SOX5: variants seen among roughly 807,000 people sequenced by gnomAD.
The protein encoded by SOX5 is transcription factor SOX-5.
SOX5 carries 9 observed loss-of-function variants against 92.0 expected under a neutral mutation model. The observed-to-expected ratio is 0.10, with a 90% CI of 0.06 to 0.17. The LOEUF is 0.17. Ranked by LOEUF, SOX5 falls within the 10% of genes least tolerant of loss-of-function variation. SOX5 has a pLI of 1.00. For missense variants in SOX5, 642 were observed against 944.5 expected (o/e 0.68, Z 4.20); for synonymous variants, 344 against 336.3 (o/e 1.02, Z -0.25).
In SOX5 at chr12:23,740,891, C is replaced by T. The variant is rs781077655; in HGVS notation, c.717G>A (p.Glu239=). 59 of 1,612,008 alleles carry T rather than the reference C, an allele frequency of 3.7e-5. No individual in the cohort carries two copies. Among genetic ancestry groups the T allele is most frequent in the Non-Finnish European group, 5.0e-5 (59 of 1,178,690 alleles). The change falls in exon 5 of 15, where the codon GAG becomes GAA. Residue 239 remains glutamate (E), a synonymous_variant. Coordinates refer to ENST00000451604, the MANE Select transcript of SOX5 (RefSeq NM_006940.6). The stretch of plus-strand genomic sequence containing the variant: ...CTTGTTCTTGTTGCTGCTTGGCCAG[C>T]TCCATTTGCTGACGCTGTTTCTCAA... The part of the protein sequence containing the change: ...SQIEKQRQQM[E]LAKQQQEQIA...
chr12:24,183,987 T>C (rs1955773272), intron 4 of SOX5, among the ~76,000 whole-genome samples: 1 of 152,188 alleles, frequency 6.6e-6, no homozygotes, highest in Admixed American at 6.6e-5. Context: ...TTTGTTGTTA[T>C]TTACTTTACT....
chr12:23,734,832 G>T (rs1377327523), intron 5 of SOX5, 80 bp from the exon 6 acceptor site: 26 of 1,137,824 alleles, frequency 2.3e-5, no homozygotes, highest in Non-Finnish European at 3.3e-5. Context: ...GTTTCTCAAA[G>T]TTTGATTTGA....
chr12:23,744,837 ACAGTT>A (rs1461315675), intron 4 of SOX5, among the ~76,000 whole-genome samples: 5 of 152,186 alleles, frequency 3.3e-5, no homozygotes, highest in African/African-American at 1.2e-4. Flanking sequence ...AAATTGCCTT[ACAGTT>A]CTGGATGCTA....
At chr12:24,212,194 T>TAA (rs1451954712) in intron 4 of SOX5, among the ~76,000 whole-genome samples, 1 of 152,206 alleles carries the variant, frequency 6.6e-6, no homozygotes, top group African/African-American at 2.4e-5. Flanking sequence ...ATCTTCCCTT[T>TAA]AAGCGGGTAA....
chr12:24,195,677 C>T (rs766061749), intron 4 of SOX5, among the ~76,000 whole-genome samples: 5 of 152,080 alleles, frequency 3.3e-5, no homozygotes, highest in African/African-American at 7.2e-5. Context: ...TGATTCCCCC[C>T]GCTCTTATGG....
chr12:24,179,821 C>T (rs1955269125), intron 4 of SOX5, among the ~76,000 whole-genome samples: 1 of 151,740 alleles, frequency 6.6e-6, no homozygotes, highest in Non-Finnish European at 1.5e-5. Context: ...ATGTGTTTAT[C>T]AAAAGGTCAA....
At chr12:24,430,584 C>T (rs560058132) in intron 1 of SOX5, among the ~76,000 whole-genome samples, 4 of 151,930 alleles carry the variant, frequency 2.6e-5, no homozygotes, top group Admixed American at 6.5e-5. Context: ...TTTTTGAGAA[C>T]AACAAGTGCA....
chr12:24,205,639 C>A (rs7303667), intron 4 of SOX5, among the ~76,000 whole-genome samples: 104,020 of 152,012 alleles, frequency 0.68, 36,167 homozygotes, highest in Middle Eastern at 0.77. Flanking sequence ...CACTCTGCCT[C>A]CTGTAAGGAC....
chr12:24,506,782 G>GTTTTTTTTTTTTT (rs1386116375), intron 1 of SOX5, among the ~76,000 whole-genome samples: 30 of 80,262 alleles, frequency 3.7e-4, no homozygotes, highest in Non-Finnish European at 5.7e-4. Context: ...TATCCAAATG[G>GTTTTTTTTTTTTT]TCTTTTTTTT....
chr12:24,278,507 G>C (rs1944763653), intron 2 of SOX5, among the ~76,000 whole-genome samples: 1 of 152,072 alleles, frequency 6.6e-6, no homozygotes, highest in African/African-American at 2.4e-5. Context: ...GAACCCAGGA[G>C]TTCAAGACTA....
intron 3 of SOX5, among the ~76,000 whole-genome samples, chr12:23,776,024 A>C (rs2095087704): frequency 6.6e-6 from 1 of 152,176 alleles, no homozygotes; most frequent in African/African-American, 2.4e-5. Context: ...GGCATTAATT[A>C]GACTCTCATA....
At position 23,891,042 on chromosome 12, in the gene SOX5, T is replaced by C. The variant is rs34183265; in HGVS notation, c.270+4751A>G. ...AGAATCAGTCTTTTTCATAGACTTA[T>C]AACAATCTGTGTCTCAGTCTTACAT... On this transcript the variant is annotated intron_variant, in intron 2 of 14. Transcript: ENST00000451604. Among the ~76,000 whole-genome samples the C allele has an allele frequency of 3.9e-3, 600 of 152,312 alleles. 4 individuals are homozygous for C. Among genetic ancestry groups the C allele is most frequent in the Admixed American group, 6.5e-3 (100 of 15,300 alleles).
chr12:24,016,052 A>G (rs918466435), intron 4 of SOX5, among the ~76,000 whole-genome samples: 2 of 152,196 alleles, frequency 1.3e-5, no homozygotes, highest in Non-Finnish European at 2.9e-5. Context: ...AAGGCCAACC[A>G]GTCAGTGATT....
intron 1 of SOX5, among the ~76,000 whole-genome samples, chr12:23,943,082 G>A (rs778584801): frequency 2.6e-5 from 4 of 151,898 alleles, no homozygotes; most frequent in Non-Finnish European, 4.4e-5. Context: ...CCTGAAGTAC[G>A]AGAAATCTCC....
intron 3 of SOX5, among the ~76,000 whole-genome samples, chr12:24,217,404 A>G (rs573030014): frequency 5.5e-4 from 84 of 152,362 alleles, no homozygotes; most frequent in African/African-American, 1.7e-3. Flanking sequence ...ACGTAATACA[A>G]TCTTCAATAA....
chr12:24,302,015 A>G (rs1402777179), intron 2 of SOX5, among the ~76,000 whole-genome samples: 7 of 152,140 alleles, frequency 4.6e-5, no homozygotes, highest in Non-Finnish European at 1.0e-4. Context: ...TCTTTATAAA[A>G]TCTCAATATC....
chr12:24,250,496 T>C (rs976044701), intron 3 of SOX5, among the ~76,000 whole-genome samples: 1 of 152,228 alleles, frequency 6.6e-6, no homozygotes, highest in African/African-American at 2.4e-5. Context: ...GCAGTTGTCC[T>C]TGGAACAGAG....
chr12:24,125,728 T>C (rs911526866), intron 4 of SOX5, among the ~76,000 whole-genome samples: 3 of 152,220 alleles, frequency 2.0e-5, no homozygotes, highest in African/African-American at 4.8e-5. Context: ...GTCTATTTCA[T>C]CTTAAAAACC....
In SOX5 at chr12:23,665,705, T is replaced by G. The variant is rs2083683946; in HGVS notation, c.811-141A>C. 6 of 931,580 alleles carry G rather than the reference T, an allele frequency of 6.4e-6. No individual in the cohort carries two copies. The East Asian group carries it at 1.6e-4, about 25-fold the overall frequency. 57.7% of individuals were successfully genotyped at this position (931,580 alleles called of 1,614,324 possible). A position where few individuals can be genotyped will look rare whatever the true frequency, so the allele number is the denominator to read the frequency against. On this transcript the variant is annotated intron_variant, in intron 6 of 14. Coordinates refer to ENST00000451604, the MANE Select transcript of SOX5 (RefSeq NM_006940.6). ...TAGAAGCTTGCTGGGATACTGGGCTTGAGGATATGCTTTGGGACTACCTTA... is the reference window on the plus strand; with the variant it reads ...TAGAAGCTTGCTGGGATACTGGGCTGGAGGATATGCTTTGGGACTACCTTA...
Sources: gnomAD v4.1 joint callset for allele counts (sites outside exome capture counted in the v4.1 genomes callset) on GRCh38, gnomAD v4.1.1 for gene constraint, MANE v1.5 for transcripts, NCBI Gene and HGNC (gene_info 2026-07-23, HGNC 2026-07-21) for gene names.